The following SLC24A2 variants were observed in gnomAD, a reference collection of about 807,000 sequenced individuals.
SLC24A2 encodes the protein solute carrier family 24 member 2.
A neutral mutation model predicts 62.0 loss-of-function variants in SLC24A2; 36 were observed. The ratio of observed to expected loss-of-function variants is 0.58; its 90% CI spans 0.44 to 0.77. SLC24A2 has a LOEUF of 0.77. Ranked by LOEUF, SLC24A2 falls within the 30% of genes least tolerant of loss-of-function variation. The probability of loss-of-function intolerance (pLI) is 0.00; values close to 1 mark genes in which losing one functional copy is unlikely to be tolerated. For synonymous variants in SLC24A2, 358 were observed against 294.0 expected, an observed-to-expected ratio of 1.22 and a Z score of -2.23; for missense variants, 846 against 817.9, an observed-to-expected ratio of 1.03 and a Z score of -0.42.
At chr9:19,621,333 G>A (rs547595551) in intron 3 of SLC24A2, among the ~76,000 whole-genome samples, 1 of 152,340 alleles carries the variant, frequency 6.6e-6, no homozygotes, top group Non-Finnish European at 1.5e-5. Context: ...GATTGAGTCT[G>A]TATCCGTGTT....
chr9:19,631,027 C>T (rs1196819582), intron 2 of SLC24A2, among the ~76,000 whole-genome samples: 1 of 152,144 alleles, frequency 6.6e-6, no homozygotes. Flanking sequence ...CCCCTCCTCC[C>T]CACTTCCTCC....
intron 2 of SLC24A2, among the ~76,000 whole-genome samples, chr9:19,716,723 G>A (rs958108681): frequency 2.6e-5 from 4 of 152,098 alleles, no homozygotes; most frequent in African/African-American, 9.7e-5. Context: ...GGTGTTTACA[G>A]TTTATAGCCA....
At chr9:20,185,948 A>C in the SLC24A2 span, among the ~76,000 whole-genome samples, 3 of 152,124 alleles carry the variant, frequency 2.0e-5, no homozygotes, top group African/African-American at 7.2e-5. Context: ...CCAAGGTCTC[A>C]GTTTGCTTTG....
At chr9:20,295,897 C>T in the SLC24A2 span, among the ~76,000 whole-genome samples, 3 of 152,164 alleles carry the variant, frequency 2.0e-5, no homozygotes, top group African/African-American at 4.8e-5. Context: ...CAGTAAATCC[C>T]TTCTTATATA....
the SLC24A2 span, among the ~76,000 whole-genome samples, chr9:20,198,670 ACTCT>A: frequency 7.7e-5 from 11 of 143,484 alleles, no homozygotes; most frequent in South Asian, 2.2e-4. Context: ...TCTCTCTCTC[ACTCT>A]CTCTCTCTCT....
At chr9:20,094,177 A>G in the SLC24A2 span, among the ~76,000 whole-genome samples, 2 of 152,182 alleles carry the variant, frequency 1.3e-5, no homozygotes, top group Admixed American at 6.5e-5. Context: ...CTATTTGACA[A>G]ATGGGAAATA....
At chr9:19,788,300 A>T (rs900202666) in intron 1 of SLC24A2, among the ~76,000 whole-genome samples, 2 of 152,236 alleles carry the variant, frequency 1.3e-5, no homozygotes, top group Admixed American at 1.3e-4. Context: ...CACTCAGGGG[A>T]TTGTGTAAAT....
chr9:20,185,904 ATGTACTGAACTCCAGC>A, the SLC24A2 span, among the ~76,000 whole-genome samples: 1 of 152,152 alleles, frequency 6.6e-6, no homozygotes, highest in Non-Finnish European at 1.5e-5. Flanking sequence ...TTTATCTGAG[ATGTACTGAACTCCAGC>A]TGTATGCCAG....
At chr9:19,788,284 T>G (rs927344877) in intron 1 of SLC24A2, among the ~76,000 whole-genome samples, 3 of 152,176 alleles carry the variant, frequency 2.0e-5, no homozygotes, top group Non-Finnish European at 4.4e-5. Flanking sequence ...ATTAAGCGAT[T>G]CACAGCACTC....
chr9:19,763,490 C>T (rs1042257620), intron 2 of SLC24A2, among the ~76,000 whole-genome samples: 2 of 152,138 alleles, frequency 1.3e-5, no homozygotes, highest in Non-Finnish European at 2.9e-5. Context: ...AGATATGTTC[C>T]ATCAATACCT....
At chr9:19,832,854 T>A in the SLC24A2 span, among the ~76,000 whole-genome samples, 1 of 152,154 alleles carries the variant, frequency 6.6e-6, no homozygotes, top group Non-Finnish European at 1.5e-5. Context: ...GACAAAGGGC[T>A]AATATCCAGA....
chr9:19,769,603 T>G (rs1423848971), intron 2 of SLC24A2, among the ~76,000 whole-genome samples: 1 of 152,228 alleles, frequency 6.6e-6, no homozygotes, highest in Non-Finnish European at 1.5e-5. Context: ...TATTTTTCTA[T>G]GTTCTTATGG....
intron 5 of SLC24A2, among the ~76,000 whole-genome samples, chr9:19,579,792 C>G (rs978365378): frequency 5.3e-5 from 8 of 152,094 alleles, no homozygotes; most frequent in Non-Finnish European, 1.2e-4. Flanking sequence ...TTATAAGAAT[C>G]TTTTCAGAGT....
the SLC24A2 span, among the ~76,000 whole-genome samples, chr9:20,019,101 G>A: frequency 3.1e-5 from 1 of 32,142 alleles, no homozygotes; most frequent in Middle Eastern, 9.4e-3. Context: ...AAGAAAGAAA[G>A]ATAGAAAGAA....
At chr9:19,899,342 G>A in the SLC24A2 span, among the ~76,000 whole-genome samples, 3 of 152,328 alleles carry the variant, frequency 2.0e-5, no homozygotes, top group Middle Eastern at 3.4e-3. Context: ...ACTGGCTATA[G>A]CCCAGGATTA....
chr9:19,983,440 C>T, the SLC24A2 span, among the ~76,000 whole-genome samples: 3 of 152,176 alleles, frequency 2.0e-5, no homozygotes, highest in South Asian at 6.2e-4. Flanking sequence ...GTCAAGAGAT[C>T]GAGACCATAC....
rs376731416 is a variant in SLC24A2, at chr9:19,508,001, T to G, written c.*8152A>C. 2 of 152,248 alleles carry G rather than the reference T, an allele frequency of 1.3e-5. No homozygotes were observed. The highest frequency in any genetic ancestry group is 4.8e-5 in the African/African-American group (2 of 41,472). 9.4% of individuals were successfully genotyped at this position (152,248 alleles called of 1,614,324 possible). A position where few individuals can be genotyped will look rare whatever the true frequency, so the allele number is the denominator to read the frequency against. On this transcript the variant is annotated 3_prime_UTR_variant, in exon 11 of 11. Transcript: ENST00000341998. ...CAACGTTGACAACATTTTCTTTGTT[T>G]TAACCGTATCTGAAGAACAAAAGTA...
intron 2 of SLC24A2, among the ~76,000 whole-genome samples, chr9:19,711,309 A>C (rs932552818): frequency 7.2e-5 from 11 of 152,194 alleles, no homozygotes; most frequent in Non-Finnish European, 1.3e-4. Context: ...TTGAGCTTTA[A>C]ATTAGTCCCA....
the SLC24A2 span, among the ~76,000 whole-genome samples, chr9:20,236,188 T>C: frequency 6.6e-6 from 1 of 152,230 alleles, no homozygotes; most frequent in Admixed American, 6.5e-5. Flanking sequence ...AAAGAAATCA[T>C]TTCTCCAAAA....
Sources: gnomAD v4.1 joint callset for allele counts (sites outside exome capture counted in the v4.1 genomes callset) on GRCh38, gnomAD v4.1.1 for gene constraint, MANE v1.5 for transcripts, NCBI Gene and HGNC (gene_info 2026-07-23, HGNC 2026-07-21) for gene names.